Variants in MIS18A observed in about 807,000 individuals in gnomAD.
The protein encoded by MIS18A is MIS18 kinetochore protein A.
MIS18A carries 14 observed loss-of-function variants against 25.0 expected under a neutral mutation model. That is an observed-to-expected ratio of 0.56 (90% CI 0.37 to 0.88). The LOEUF (loss-of-function observed/expected upper bound fraction) is 0.88. MIS18A is among the 40% of genes least tolerant of loss of function. The probability of loss-of-function intolerance (pLI) is 0.00; values close to 1 mark genes in which losing one functional copy is unlikely to be tolerated. For synonymous variants in MIS18A, 134 were observed against 118.6 expected, an observed-to-expected ratio of 1.13 and a Z score of -0.84; for missense variants, 292 against 290.8, an observed-to-expected ratio of 1.00 and a Z score of -0.03.
the MIS18A span, among the ~76,000 whole-genome samples, chr21:32,249,333 T>C: frequency 1.2e-4 from 19 of 152,172 alleles, no homozygotes; most frequent in Non-Finnish European, 2.6e-4. Context: ...ATGCAGCCTG[T>C]GCCTCCTTGT....
the MIS18A span, among the ~76,000 whole-genome samples, chr21:32,221,324 T>A: frequency 6.6e-6 from 1 of 152,180 alleles, no homozygotes. Flanking sequence ...GGGGCCAATA[T>A]TCAACATTCT....
chr21:32,269,239 G>T, intron 4 of MIS18A, 122 bp from the exon 5 acceptor site: 1 of 694,312 alleles, frequency 1.4e-6, no homozygotes, highest in Non-Finnish European at 2.3e-6. Context: ...TTACAAGGTA[G>T]ATATTCAGTG....
the MIS18A span, among the ~76,000 whole-genome samples, chr21:32,209,044 G>A: frequency 6.6e-6 from 1 of 152,168 alleles, no homozygotes; most frequent in African/African-American, 2.4e-5. Context: ...CTATCTAGAA[G>A]GAGGCATTTT....
the MIS18A span, among the ~76,000 whole-genome samples, chr21:32,252,339 T>G: frequency 8.2e-5 from 9 of 109,462 alleles, no homozygotes; most frequent in Admixed American, 3.6e-4. Context: ...AAGGAAAGAA[T>G]GAATGAAGGC....
chr21:32,203,521 C>CT, the MIS18A span, among the ~76,000 whole-genome samples: 3 of 96,202 alleles, frequency 3.1e-5, no homozygotes, highest in East Asian at 9.2e-4. Context: ...GGTAGTGTTA[C>CT]TTTTAAAATT....
chr21:32,183,956 G>A, the MIS18A span, among the ~76,000 whole-genome samples: 1 of 152,204 alleles, frequency 6.6e-6, no homozygotes, highest in Non-Finnish European at 1.5e-5. Context: ...TAAAGGGGCT[G>A]TATTTAAGGG....
chr21:32,233,905 C>G, the MIS18A span, among the ~76,000 whole-genome samples: 1 of 151,990 alleles, frequency 6.6e-6, no homozygotes, highest in Non-Finnish European at 1.5e-5. Context: ...CTCACCAATA[C>G]TCCTCAAAAC....
At chr21:32,264,559 A>T (rs1301334394), downstream of MIS18A, among the ~76,000 whole-genome samples, 1 of 152,192 alleles carries the variant, frequency 6.6e-6, no homozygotes, top group Admixed American at 6.5e-5. Flanking sequence ...TTATACTTTC[A>T]TTATACAGAT....
the MIS18A span, among the ~76,000 whole-genome samples, chr21:32,246,511 T>C: frequency 4.6e-5 from 7 of 152,014 alleles, no homozygotes; most frequent in African/African-American, 1.2e-4. Flanking sequence ...GCCCCTCAAA[T>C]CTCAAGAAGA....
the MIS18A span, among the ~76,000 whole-genome samples, chr21:32,196,193 C>T: frequency 7.9e-5 from 12 of 152,232 alleles, no homozygotes; most frequent in South Asian, 2.5e-3. Context: ...TTGCCACCTC[C>T]GTGTGGGTGG....
At position 32,278,960 on chromosome 21, in the gene MIS18A, A is replaced by G. The variant is rs1252422484; in HGVS notation, c.55T>C (p.Cys19Arg). 1.2e-6 allele frequency: 2 copies of G among 1,612,018 alleles called. No homozygotes were observed. The highest frequency in any genetic ancestry group is 1.3e-5 in the African/African-American group (1 of 74,834). Residue 19 changes from cysteine to arginine, a missense_variant, in exon 1 of 5, where the codon TGC becomes CGC. Physicochemically the swap from Cys to Arg is radical, Grantham distance 180 (BLOSUM62 -3). Transcript: ENST00000290130. ...CSRGCAGGCE[C>R]GDKGKCSDSS... ...TCGCTGCATTTGCCCTTGTCGCCGCACTCACAGCCGCCAGCGCATCCTCTG... is the reference window on the plus strand; with the variant it reads ...TCGCTGCATTTGCCCTTGTCGCCGCGCTCACAGCCGCCAGCGCATCCTCTG...
chr21:32,204,633 A>G, the MIS18A span, among the ~76,000 whole-genome samples: 1 of 152,184 alleles, frequency 6.6e-6, no homozygotes, highest in Non-Finnish European at 1.5e-5. Context: ...GGCCAGACAC[A>G]GTGGTTCATG....
At chr21:32,170,092 G>A in the MIS18A span, among the ~76,000 whole-genome samples, 1 of 152,084 alleles carries the variant, frequency 6.6e-6, no homozygotes, top group Non-Finnish European at 1.5e-5. Flanking sequence ...TTATAAATAT[G>A]TTCAAAGAAC....
At chr21:32,270,716 A>G (rs2031698392) in intron 2 of MIS18A, 187 bp from the exon 3 acceptor site, 2 of 495,290 alleles carry the variant, frequency 4.0e-6, no homozygotes, top group Non-Finnish European at 6.3e-6. Flanking sequence ...GACAGCCACG[A>G]TGCCTTAAGT....
chr21:32,273,828 T>A (rs1020347872), intron 2 of MIS18A, among the ~76,000 whole-genome samples: 1 of 152,212 alleles, frequency 6.6e-6, no homozygotes, highest in Non-Finnish European at 1.5e-5. Context: ...ATAATTAATT[T>A]TTGTTTAACT....
chr21:32,175,813 AAAAACAAAAAC>A, the MIS18A span, among the ~76,000 whole-genome samples: 20 of 150,276 alleles, frequency 1.3e-4, no homozygotes, highest in African/African-American at 4.9e-4. Context: ...CCATCTCAAA[AAAAACAAAAAC>A]AAAAACAAAA....
chr21:32,216,363 G>T, the MIS18A span, among the ~76,000 whole-genome samples: 2 of 152,204 alleles, frequency 1.3e-5, no homozygotes, highest in African/African-American at 4.8e-5. Flanking sequence ...CATTTCCAGA[G>T]AACTGTCATC....
chr21:32,221,970 C>T, the MIS18A span, among the ~76,000 whole-genome samples: 5 of 151,820 alleles, frequency 3.3e-5, no homozygotes, highest in Admixed American at 6.6e-5. Context: ...ATGGGCTAAA[C>T]GTCCCAATTA....
chr21:32,273,010 G>A (rs983841775), intron 2 of MIS18A, among the ~76,000 whole-genome samples: 5 of 151,996 alleles, frequency 3.3e-5, no homozygotes, highest in African/African-American at 1.2e-4. Context: ...ATCTGAGGTG[G>A]GTTTTCCAAA....
Sources: gnomAD v4.1 joint callset for allele counts (sites outside exome capture counted in the v4.1 genomes callset) on GRCh38, gnomAD v4.1.1 for gene constraint, MANE v1.5 for transcripts, NCBI Gene and HGNC (gene_info 2026-07-23, HGNC 2026-07-21) for gene names.